The following DHX15 variants were observed in gnomAD, a reference collection of about 807,000 sequenced individuals.
The protein encoded by DHX15 is DEAH-box helicase 15, also known as ATP-dependent RNA helicase DHX15.
Under a neutral mutation model 94.4 loss-of-function variants are expected in DHX15, and 11 were observed. The ratio of observed to expected loss-of-function variants is 0.12; its 90% CI spans 0.07 to 0.19. The LOEUF (loss-of-function observed/expected upper bound fraction) is 0.19. Ranked by LOEUF, DHX15 falls within the 10% of genes least tolerant of loss-of-function variation. The pLI, the probability that DHX15 is intolerant of heterozygous loss-of-function variation, is 1.00. For missense variants in DHX15, 304 were observed against 988.5 expected (o/e 0.31, Z 9.29); for synonymous variants, 338 against 329.9 (o/e 1.02, Z -0.27).
Position 24,527,614 on chromosome 4 carries a change from T to C in DHX15, c.*310A>G, listed in dbSNP as rs1169648611. 1 of 242,856 alleles carries C rather than the reference T, an allele frequency of 4.1e-6. No homozygotes were observed. The highest frequency in any genetic ancestry group is 2.2e-5 in the African/African-American group (1 of 44,964). The allele number at this position is 242,856 out of a possible 1,614,324, so 15.0% of individuals were successfully genotyped here. ...CAACGATCATGCATACCATGGTCGA[T>C]AATCACATTTTAGAAGCATTTTCAA... On this transcript the variant is annotated 3_prime_UTR_variant, in exon 14 of 14. Coordinates refer to ENST00000336812, the MANE Select transcript of DHX15 (RefSeq NM_001358.3).
rs1721957297 is a variant in DHX15, at chr4:24,564,726, CTT to C, written c.701+5926_701+5927del. 2.6e-5 allele frequency among the ~76,000 whole-genome samples: 4 copies of C among 152,156 alleles called. 1 individual carries two copies. In the South Asian group the frequency reaches 8.3e-4, roughly 32 times the overall value. ...TATTACACAACATGAGCAACACTAACTTACTGTAATCACAATAGCACTACATA... is the reference window on the plus strand; with the variant it reads ...TATTACACAACATGAGCAACACTAACACTGTAATCACAATAGCACTACATA... On this transcript the variant is annotated intron_variant, in intron 3 of 13. Coordinates refer to ENST00000336812, the MANE Select transcript of DHX15 (RefSeq NM_001358.3).
Position 24,576,615 on chromosome 4 carries a change from A to G in DHX15, c.135T>C (p.Asp45=). The G allele has an allele frequency of 1.2e-6, 2 of 1,613,598 alleles. No individual in the cohort carries two copies. The highest frequency in any genetic ancestry group is 1.7e-6 in the Non-Finnish European group (2 of 1,179,772). The change falls in exon 2 of 14, where the codon GAT becomes GAC. Residue 45 remains aspartate (D), a synonymous_variant. Transcript: ENST00000336812. The part of the protein sequence containing the change: ...DRSKDRDRER[D]RGDREREREK... ...CCCTCTCTCGCTCTCTATCTCCTCT[A>G]TCACGTTCTCGGTCTCGATCTTTAG...
rs61031930 is a variant in DHX15 at position 24,574,205 on chromosome 4, CAAAAAAAAAA to C, written c.507+2028_507+2037del. On this transcript the variant is annotated intron_variant, in intron 2 of 13. Coordinates refer to ENST00000336812, the MANE Select transcript of DHX15 (RefSeq NM_001358.3). ...TGGGTGACAGAGCGAGACTTTGTCTCAAAAAAAAAAAAAAAAAAAAAAAGTTAAAGTCATT... is the reference window on the plus strand; with the variant it reads ...TGGGTGACAGAGCGAGACTTTGTCTCAAAAAAAAAAAAAGTTAAAGTCATT... Among the ~76,000 whole-genome samples, 12 of 68,872 alleles carry C rather than the reference CAAAAAAAAAA, an allele frequency of 1.7e-4. No homozygotes were observed. The South Asian group carries it at 9.2e-3, about 53-fold the overall frequency. The allele number at this position is 68,872 out of a possible 152,430, so 45.2% of individuals were successfully genotyped here. A position where few individuals can be genotyped will look rare whatever the true frequency, so the allele number is the denominator to read the frequency against.
At position 24,552,222 on chromosome 4, in the gene DHX15, TACTGAGAATAAAG is replaced by T. The variant is rs561244379; in HGVS notation, c.1080+2490_1080+2502del. On this transcript the variant is annotated intron_variant, in intron 5 of 13. Coordinates refer to ENST00000336812, the MANE Select transcript of DHX15 (RefSeq NM_001358.3). ...CAGCCATCTGCTTAGTCATTAGCAA[TACTGAGAATAAAG>T]ACAGACAGTTCAGGAGTTTTTGATT... 7.1e-3 allele frequency among the ~76,000 whole-genome samples: 1,081 copies of T among 151,428 alleles called. 16 individuals are homozygous for T. The highest frequency in any genetic ancestry group is 0.025 in the African/African-American group (1,020 of 40,950).
intron 6 of DHX15, among the ~76,000 whole-genome samples, chr4:24,545,749 C>A (rs78852539): frequency 6.6e-6 from 1 of 152,146 alleles, no homozygotes; most frequent in Non-Finnish European, 1.5e-5. Context: ...ACCAGGAACC[C>A]ATCAGGAGAC....
chr4:24,554,951 A>G lies in DHX15; in HGVS notation c.862-8T>C, dbSNP rs544275480. 6.2e-7 allele frequency: 1 copy of G among 1,605,088 alleles called. No individual in the cohort carries two copies. Among genetic ancestry groups the G allele is most frequent in the East Asian group, 2.2e-5 (1 of 44,730 alleles). ...AGCGCTCATAACTATAACCTGAAAG[A>G]AAACAGTAAATTATTTGAAGCTGTC... On this transcript the variant is annotated splice_polypyrimidine_tract_variant and splice_region_variant and intron_variant, in intron 4 of 13. Coordinates refer to ENST00000336812, the MANE Select transcript of DHX15 (RefSeq NM_001358.3).
chr4:24,540,015 C>T, intron 10 of DHX15, 93 bp downstream of exon 10: 2 of 899,648 alleles, frequency 2.2e-6, no homozygotes, highest in South Asian at 4.9e-5. Context: ...ATAAAATCCA[C>T]TATCATACTA....
At chr4:24,584,280 A>G (rs1485765061) in intron 1 of DHX15, 43 bp downstream of exon 1, 1 of 1,587,292 alleles carries the variant, frequency 6.3e-7, no homozygotes, top group Non-Finnish European at 8.5e-7. Flanking sequence ...CCAGGACCCC[A>G]ACAAAGCCCG....
chr4:24,564,647 GAAGGAATAAACA>G (rs897691800), intron 3 of DHX15, among the ~76,000 whole-genome samples: 1 of 152,182 alleles, frequency 6.6e-6, no homozygotes, highest in African/African-American at 2.4e-5. Context: ...TTTTATTGGT[GAAGGAATAAACA>G]AAGACAGGCT....
intron 3 of DHX15, among the ~76,000 whole-genome samples, chr4:24,568,767 T>C (rs1722052014): frequency 6.6e-6 from 1 of 152,228 alleles, no homozygotes; most frequent in Non-Finnish European, 1.5e-5. Context: ...TCCCCCTTAT[T>C]ATCCTCAAGT....
chr4:24,542,065 C>A, intron 7 of DHX15, 43 bp from the exon 8 acceptor site: 1 of 1,525,820 alleles, frequency 6.6e-7, no homozygotes, highest in South Asian at 1.2e-5. Flanking sequence ...TTCAGTCAAA[C>A]ACAAAATTGT....
intron 3 of DHX15, among the ~76,000 whole-genome samples, chr4:24,557,192 T>C (rs142254675): frequency 2.0e-5 from 3 of 152,234 alleles, no homozygotes; most frequent in African/African-American, 4.8e-5. Flanking sequence ...ATTGTATAAC[T>C]TTGCAGGGGT....
At chr4:24,572,868 G>A (rs1722154256) in intron 2 of DHX15, among the ~76,000 whole-genome samples, 1 of 152,130 alleles carries the variant, frequency 6.6e-6, no homozygotes, top group African/African-American at 2.4e-5. Context: ...AAGAGGTCCT[G>A]AAATATGTAG....
In DHX15 at chr4:24,583,579, G is replaced by A. The variant is rs139820784; in HGVS notation, c.71+744C>T. On this transcript the variant is annotated intron_variant, in intron 1 of 13. Transcript: ENST00000336812. ...GAGATGGCGGGAGCGTAGGCAGAGA[G>A]CGGAAGTTTGCTAGTATCTACTTTG... 3.9e-4 allele frequency among the ~76,000 whole-genome samples: 59 copies of A among 152,152 alleles called. No homozygotes were observed. The East Asian group carries it at 9.7e-3, about 25-fold the overall frequency.
chr4:24,547,899 A>G (rs1366953798), intron 6 of DHX15, among the ~76,000 whole-genome samples: 11,020 of 41,616 alleles, frequency 0.26, 894 homozygotes, highest in African/African-American at 0.39. Flanking sequence ...CTATGTATGT[A>G]TGTGTATATA....
chr4:24,579,273 T>G (rs1722351174), intron 1 of DHX15, among the ~76,000 whole-genome samples: 1 of 152,174 alleles, frequency 6.6e-6, no homozygotes, highest in Non-Finnish European at 1.5e-5. Context: ...TTCAGACACC[T>G]GGAAATGTTG....
Position 24,527,724 on chromosome 4 carries a change from T to C in DHX15, c.*200A>G. 2.1e-6 allele frequency: 1 copy of C among 486,874 alleles called. No individual in the cohort carries two copies. Among genetic ancestry groups the C allele is most frequent in the East Asian group, 3.0e-5 (1 of 33,220 alleles). 30.2% of individuals were successfully genotyped at this position (486,874 alleles called of 1,614,324 possible). On this transcript the variant is annotated 3_prime_UTR_variant, in exon 14 of 14. Coordinates refer to ENST00000336812, the MANE Select transcript of DHX15 (RefSeq NM_001358.3). The stretch of plus-strand genomic sequence containing the variant: ...AAAACATTGATCGACTTTTCCAGTA[T>C]GAGCTACAGTGTCAACACAAAAGGG...
intron 5 of DHX15, among the ~76,000 whole-genome samples, chr4:24,553,912 A>T (rs1035025221): frequency 2.6e-5 from 4 of 152,112 alleles, no homozygotes; most frequent in African/African-American, 9.7e-5. Context: ...ACCCTATTGA[A>T]AAGAAGCTTA....
At chr4:24,583,813 C>G (rs1441428221) in intron 1 of DHX15, among the ~76,000 whole-genome samples, 1 of 152,160 alleles carries the variant, frequency 6.6e-6, no homozygotes, top group Non-Finnish European at 1.5e-5. Context: ...TTATGATCCA[C>G]GCGCTGCTCT....
Sources: gnomAD v4.1 joint callset for allele counts (sites outside exome capture counted in the v4.1 genomes callset) on GRCh38, gnomAD v4.1.1 for gene constraint, MANE v1.5 for transcripts, NCBI Gene and HGNC (gene_info 2026-07-23, HGNC 2026-07-21) for gene names.